ADAMTS4: variants seen among roughly 807,000 people sequenced by gnomAD.
ADAMTS4 encodes the protein A disintegrin and metalloproteinase with thrombospondin motifs 4.
Under a neutral mutation model 66.7 loss-of-function variants are expected in ADAMTS4, and 38 were observed. The ratio of observed to expected loss-of-function variants is 0.57; its 90% confidence interval spans 0.44 to 0.75. The LOEUF is 0.75. Among genes scored for constraint, ADAMTS4 ranks in the 30% least tolerant of loss-of-function variants. ADAMTS4 has a pLI of 0.00. For synonymous variants in ADAMTS4, 418 were observed against 461.5 expected (o/e 0.91, Z 1.21); for missense variants, 1,014 against 1,116.7 (o/e 0.91, Z 1.31).
rs1664771075 is a variant in ADAMTS4 at position 161,194,689 on chromosome 1, CT to C, written c.1262-469del. ...CAGGTGTAAGCCACTGTGCCTAGCC[CT>C]GTAAGAGGCTTTAATGGGCAGCTAT... On this transcript the variant is annotated intron_variant, in intron 4 of 8. Coordinates refer to ENST00000367996, the MANE Select transcript of ADAMTS4 (RefSeq NM_005099.6). This position sits in a 1 kb window ranked among gnomAD's most constrained non-coding sequence, Gnocchi z 4.1. 6.6e-6 allele frequency among the ~76,000 whole-genome samples: 1 copy of C among 152,170 alleles called. No individual in the cohort carries two copies. The highest frequency in any genetic ancestry group is 6.5e-5 in the Admixed American group (1 of 15,276).
rs1298503572 is a variant in ADAMTS4, at chr1:161,186,388, CT to C, written c.*4749del. The C allele has an allele frequency of 3.9e-5, 6 of 152,284 alleles. No individual in the cohort carries two copies. The highest frequency in any genetic ancestry group is 1.5e-5 in the Non-Finnish European group (1 of 68,072). The allele number at this position is 152,284 out of a possible 1,614,324, so 9.4% of individuals were successfully genotyped here. ...GGATTGAGGGCTGAGATGCCCATCA[CT>C]TCTCTTCGATGAGCTAGCTCTCTCT... On this transcript the variant is annotated 3_prime_UTR_variant, in exon 9 of 9. Coordinates refer to ENST00000367996, the MANE Select transcript of ADAMTS4 (RefSeq NM_005099.6).
chr1:161,186,907 G>A lies in ADAMTS4; in HGVS notation c.*4231C>T, dbSNP rs989301555. 6.6e-6 allele frequency: 1 copy of A among 152,296 alleles called. No homozygotes were observed. Among genetic ancestry groups the A allele is most frequent in the African/African-American group, 2.4e-5 (1 of 41,530 alleles). 9.4% of individuals were successfully genotyped at this position (152,296 alleles called of 1,614,324 possible). The stretch of plus-strand genomic sequence containing the variant: ...TCCTAGGTACTCAGGAGGTTGAGGT[G>A]GGAGGGTTGCTTGAGCCTGAGAGTT... On this transcript the variant is annotated 3_prime_UTR_variant, in exon 9 of 9. Transcript: ENST00000367996.
rs1664752632 is a variant in ADAMTS4 at position 161,194,024 on chromosome 1, A to C, written c.1459T>G (p.Ser487Ala). 6.2e-7 allele frequency: 1 copy of C among 1,613,688 alleles called. No individual in the cohort carries two copies. Among genetic ancestry groups the C allele is most frequent in the African/African-American group, 1.3e-5 (1 of 74,852 alleles). Residue 487 changes from serine (S) to alanine (A), a missense_variant, in exon 5 of 9, where the codon TCG becomes GCG. Transcript: ENST00000367996. The surrounding 1 kb of genome is among the most constrained non-coding windows in gnomAD (Gnocchi z 4.1). ...NGHAMCQTKH[S>A]PWADGTPCGP... ...CAGGGTGTGCCATCGGCCCAGGGCG[A>C]GTGTTTGGTCTGGCACATGGCATGG...
chr1:161,185,051 G>T lies in ADAMTS4; in HGVS notation c.*6087C>A, dbSNP rs1016145394. 2.9e-5 allele frequency: 4 copies of T among 139,080 alleles called. No homozygotes were observed. The highest frequency in any genetic ancestry group is 5.0e-4 in the South Asian group (2 of 4,030). The allele number at this position is 139,080 out of a possible 1,614,324, so 8.6% of individuals were successfully genotyped here. On this transcript the variant is annotated 3_prime_UTR_variant, in exon 9 of 9. Coordinates refer to ENST00000367996, the MANE Select transcript of ADAMTS4 (RefSeq NM_005099.6). ...AAAAAAGAAGAAAAAGAAAGGCAGG[G>T]GGGGAGGGGGGAGGGATAGCATTAG...
At position 161,193,678 on chromosome 1, in the gene ADAMTS4, A is replaced by C; in HGVS notation, c.1697T>G (p.Phe566Cys). The change falls in exon 6 of 9, where the codon TTC becomes TGC. Residue 566 changes from phenylalanine to cysteine, a missense_variant. By Grantham distance (205) the Phe-to-Cys change is radical. Coordinates refer to ENST00000367996, the MANE Select transcript of ADAMTS4 (RefSeq NM_005099.6). The surrounding 1 kb of genome is among the most constrained non-coding windows in gnomAD (Gnocchi z 4.4). ...GKYCEGRRTRFRSCNTEDCPT... is the reference protein window; with the variant it reads ...GKYCEGRRTRCRSCNTEDCPT... ...GCAGTCCTCAGTGTTGCAGGAGCGGAAGCGGGTACGGCGGCCCTCACAGTA... is the reference window on the plus strand; with the variant it reads ...GCAGTCCTCAGTGTTGCAGGAGCGGCAGCGGGTACGGCGGCCCTCACAGTA... 1 of 1,613,760 alleles carries C rather than the reference A, an allele frequency of 6.2e-7. No homozygotes were observed. The highest frequency in any genetic ancestry group is 8.5e-7 in the Non-Finnish European group (1 of 1,179,832).
At position 161,198,611 on chromosome 1, in the gene ADAMTS4, G is replaced by A. The variant is rs866277924; in HGVS notation, c.17C>T (p.Ser6Leu). MSQTG[S>L]HPGRGLAGRW... ...CCCTGCCAAGCCCCTCCCGGGATGCGAGCCTGTCTGGGACATGGCACTGGT... is the reference window on the plus strand; with the variant it reads ...CCCTGCCAAGCCCCTCCCGGGATGCAAGCCTGTCTGGGACATGGCACTGGT... Residue 6 changes from serine (S) to leucine (L), a missense_variant, in exon 1 of 9, where the codon TCG becomes TTG. Transcript: ENST00000367996. The surrounding 1 kb of genome is among the most constrained non-coding windows in gnomAD (Gnocchi z 4.7). 1.0e-5 allele frequency: 16 copies of A among 1,530,202 alleles called. No individual in the cohort carries two copies. Among genetic ancestry groups the A allele is most frequent in the Non-Finnish European group, 1.4e-5 (16 of 1,135,866 alleles). 94.8% of individuals were successfully genotyped at this position (1,530,202 alleles called of 1,614,324 possible). A position where few individuals can be genotyped will look rare whatever the true frequency, so the allele number is the denominator to read the frequency against.
rs763483506 is a variant in ADAMTS4 at position 161,194,205 on chromosome 1, G to C, written c.1278C>G (p.Asp426Glu). The change falls in exon 5 of 9, where the codon GAC becomes GAG. Residue 426 changes from aspartate to glutamate, a missense_variant. Physicochemically the swap from Asp to Glu is conservative, Grantham distance 45 (BLOSUM62 2). Coordinates refer to ENST00000367996, the MANE Select transcript of ADAMTS4 (RefSeq NM_005099.6). The surrounding 1 kb of genome is among the most constrained non-coding windows in gnomAD (Gnocchi z 4.1). ...GCAGATGCAATGGAGCCTCTGGTTT[G>C]TCTAAGAGACAGTGCCCTGGGAAGG... ...LDNGYGHCLL[D>E]KPEAPLHLPV... 6.2e-7 allele frequency: 1 copy of C among 1,613,696 alleles called. No individual in the cohort carries two copies. The highest frequency in any genetic ancestry group is 1.1e-5 in the South Asian group (1 of 91,066).
chr1:161,191,645 T>A (rs1664686111), intron 8 of ADAMTS4, 81 bp from the exon 9 acceptor site: 1 of 1,362,516 alleles, frequency 7.3e-7, no homozygotes, highest in Non-Finnish European at 1.0e-6. Flanking sequence ...TGACTGTATG[T>A]GTGTACATGT....
chr1:161,191,625 T>A lies in ADAMTS4; in HGVS notation c.2088-61A>T, dbSNP rs1014036326. ...CCTGAATCCCCTCAGCCTTCTGAGC[T>A]GTGCTTATGTGACTGTATGTGTGTA... On this transcript the variant is annotated intron_variant, in intron 8 of 8. Coordinates refer to ENST00000367996, the MANE Select transcript of ADAMTS4 (RefSeq NM_005099.6). The A allele has an allele frequency of 3.3e-5, 49 of 1,492,910 alleles. No individual in the cohort carries two copies. The African/African-American group carries it at 5.9e-4, about 18-fold the overall frequency. The allele number at this position is 1,492,910 out of a possible 1,614,324, so 92.5% of individuals were successfully genotyped here.
chr1:161,198,131 TC>T lies in ADAMTS4; in HGVS notation c.496del (p.Glu166ArgfsTer51). The T allele has an allele frequency of 6.2e-7, 1 of 1,613,966 alleles. No homozygotes were observed. The highest frequency in any genetic ancestry group is 8.5e-7 in the Non-Finnish European group (1 of 1,179,948). Reference protein sequence around the residue: ...RGAELHLQPLEGGTPNSAGGP... With the variant: ...RGAELHLQPLXGGTPNSAGGP... Reference sequence around the variant, plus strand: ...CCCAGCAGAGTTAGGGGTGCCTCCCTCCAGGGGCTGGAGGTGGAGTTCAGCC... The same window carrying T: ...CCCAGCAGAGTTAGGGGTGCCTCCCTCAGGGGCTGGAGGTGGAGTTCAGCC... On this transcript the variant is annotated frameshift_variant, in exon 1 of 9. Coordinates refer to ENST00000367996, the MANE Select transcript of ADAMTS4 (RefSeq NM_005099.6). LOFTEE classifies it high-confidence loss of function. This position sits in a 1 kb window ranked among gnomAD's most constrained non-coding sequence, Gnocchi z 4.7.
rs1664513804 is a variant in ADAMTS4 at position 161,184,986 on chromosome 1, A to C, written c.*6152T>G. On this transcript the variant is annotated 3_prime_UTR_variant, in exon 9 of 9. Coordinates refer to ENST00000367996, the MANE Select transcript of ADAMTS4 (RefSeq NM_005099.6). The stretch of plus-strand genomic sequence containing the variant: ...CAGTGAGCCGAGATCACGCCATTGC[A>C]CTCTAGCCTGGGTGACAGAATGAGA... 6.8e-6 allele frequency: 1 copy of C among 147,128 alleles called. No individual in the cohort carries two copies. 9.1% of individuals were successfully genotyped at this position (147,128 alleles called of 1,614,324 possible). A position where few individuals can be genotyped will look rare whatever the true frequency, so the allele number is the denominator to read the frequency against.
In ADAMTS4 at chr1:161,186,154, T is replaced by G. The variant is rs1350817716; in HGVS notation, c.*4984A>C. 3 of 152,250 alleles carry G rather than the reference T, an allele frequency of 2.0e-5. No individual in the cohort carries two copies. Among genetic ancestry groups the G allele is most frequent in the African/African-American group, 7.2e-5 (3 of 41,466 alleles). 9.4% of individuals were successfully genotyped at this position (152,250 alleles called of 1,614,324 possible). A position where few individuals can be genotyped will look rare whatever the true frequency, so the allele number is the denominator to read the frequency against. On this transcript the variant is annotated 3_prime_UTR_variant, in exon 9 of 9. Transcript: ENST00000367996. The stretch of plus-strand genomic sequence containing the variant: ...CTGTTTCTGTTCCTCCTTATATATC[T>G]ACACCCCAGCTCAGGCCCACGAGGG...
rs1026528431 is a variant in ADAMTS4 at position 161,190,548 on chromosome 1, A to G, written c.*590T>C. The G allele has an allele frequency of 1.1e-4, 17 of 152,460 alleles. No homozygotes were observed. The highest frequency in any genetic ancestry group is 3.9e-4 in the African/African-American group (16 of 41,460). The allele number at this position is 152,460 out of a possible 1,614,324, so 9.4% of individuals were successfully genotyped here. A position where few individuals can be genotyped will look rare whatever the true frequency, so the allele number is the denominator to read the frequency against. ...AAGAAAGAAAGAAAGAAAAAAAAAA[A>G]AAGATAATCCCTCACTCCCTGAAGG... On this transcript the variant is annotated 3_prime_UTR_variant, in exon 9 of 9. Coordinates refer to ENST00000367996, the MANE Select transcript of ADAMTS4 (RefSeq NM_005099.6).
In ADAMTS4 at chr1:161,190,915, G is replaced by A; in HGVS notation, c.*223C>T. Reference sequence around the variant, plus strand: ...GGGCAGAGGGGGCAGTTTAGATGGAGGGCTGTCTGTCAGCCCCTTCCATCC... The same window carrying A: ...GGGCAGAGGGGGCAGTTTAGATGGAAGGCTGTCTGTCAGCCCCTTCCATCC... On this transcript the variant is annotated 3_prime_UTR_variant, in exon 9 of 9. Transcript: ENST00000367996. The A allele has an allele frequency of 2.0e-6, 1 of 498,806 alleles. No individual in the cohort carries two copies. Among genetic ancestry groups the A allele is most frequent in the Non-Finnish European group, 3.5e-6 (1 of 286,054 alleles). 30.9% of individuals were successfully genotyped at this position (498,806 alleles called of 1,614,324 possible). A position where few individuals can be genotyped will look rare whatever the true frequency, so the allele number is the denominator to read the frequency against.
At position 161,194,133 on chromosome 1, in the gene ADAMTS4, C is replaced by T. The variant is rs756120179; in HGVS notation, c.1350G>A (p.Gln450=). ...GGCGTGAGTCGGGCCCGAAGGTCAGCTGGCACTGGCGGTCAGCATCATAGT... is the reference window on the plus strand; with the variant it reads ...GGCGTGAGTCGGGCCCGAAGGTCAGTTGGCACTGGCGGTCAGCATCATAGT... ...GKDYDADRQC[Q]LTFGPDSRHC... The change falls in exon 5 of 9, where the codon CAG becomes CAA. Residue 450 remains glutamine (Q), a synonymous_variant. Coordinates refer to ENST00000367996, the MANE Select transcript of ADAMTS4 (RefSeq NM_005099.6). This position sits in a 1 kb window ranked among gnomAD's most constrained non-coding sequence, Gnocchi z 4.1. 3.9e-5 allele frequency: 63 copies of T among 1,614,224 alleles called. 2 individuals carry two copies. In the South Asian group the frequency reaches 6.3e-4, roughly 16 times the overall value.
chr1:161,197,711 G>C (rs1346756870), intron 1 of ADAMTS4, among the ~76,000 whole-genome samples: 3 of 152,022 alleles, frequency 2.0e-5, no homozygotes, highest in African/African-American at 7.2e-5. Flanking sequence ...AGTAGGAGAT[G>C]CCATGGCCAG....
rs919624727 is a variant in ADAMTS4, at chr1:161,185,469, ATTT to A, written c.*5666_*5668del. On this transcript the variant is annotated 3_prime_UTR_variant, in exon 9 of 9. Coordinates refer to ENST00000367996, the MANE Select transcript of ADAMTS4 (RefSeq NM_005099.6). The stretch of plus-strand genomic sequence containing the variant: ...TTCCCTGACCCCCCTCTTTCTGAGC[ATTT>A]TTAGCACTCGTGGTTTCCTCCAGCT... 6.8e-6 allele frequency: 1 copy of A among 147,618 alleles called. No homozygotes were observed. The highest frequency in any genetic ancestry group is 1.5e-5 in the Non-Finnish European group (1 of 66,942). The allele number at this position is 147,618 out of a possible 1,614,324, so 9.1% of individuals were successfully genotyped here. A position where few individuals can be genotyped will look rare whatever the true frequency, so the allele number is the denominator to read the frequency against.
In ADAMTS4 at chr1:161,195,411, C is replaced by T. The variant is rs1374783432; in HGVS notation, c.1261+54G>A. ...AGAATGCAGCGGAAGTGAGAGTGCC[C>T]TGGAGGACAGGAATTGAGTGCTACC... On this transcript the variant is annotated intron_variant, in intron 4 of 8. Transcript: ENST00000367996. 13 of 1,537,932 alleles carry T rather than the reference C, an allele frequency of 8.5e-6. No individual in the cohort carries two copies. The East Asian group carries it at 2.8e-4, about 33-fold the overall frequency.
rs753529783 is a variant in ADAMTS4, at chr1:161,192,240, C to T, written c.1912G>A (p.Val638Met). Residue 638 changes from valine to methionine, a missense_variant and splice_region_variant, in exon 8 of 9, where the codon GTG becomes ATG. Val to Met is a conservative substitution (Grantham distance 21). Transcript: ENST00000367996. ...LGYYYVLEPR[V>M]VDGTPCSPDS... ...GGGGAACAGGGGGTCCCATCTACCA[C>T]CTGAGGAAAAGAGAAAGAACAATGC... 1 of 1,612,836 alleles carries T rather than the reference C, an allele frequency of 6.2e-7. No individual in the cohort carries two copies. The highest frequency in any genetic ancestry group is 1.3e-5 in the African/African-American group (1 of 74,930).
Sources: gnomAD v4.1 joint callset for allele counts (sites outside exome capture counted in the v4.1 genomes callset) on GRCh38, gnomAD v4.1.1 for gene constraint, Gnocchi (gnomAD v3.1) non-coding constraint, MANE v1.5 for transcripts, NCBI Gene and HGNC (gene_info 2026-07-23, HGNC 2026-07-21) for gene names.